Variants in FRK observed in about 807,000 individuals in gnomAD.
FRK encodes the protein tyrosine-protein kinase FRK.
FRK carries 51 observed loss-of-function variants against 56.4 expected under a neutral mutation model. The ratio of observed to expected loss-of-function variants is 0.90; its 90% CI spans 0.72 to 1.14. The LOEUF is 1.14. FRK is among the 50% of genes most tolerant of loss of function. The probability of loss-of-function intolerance (pLI) is 0.00; values close to 1 mark genes in which losing one functional copy is unlikely to be tolerated. For synonymous variants in FRK, 245 were observed against 217.9 expected (o/e 1.12, Z -1.10); for missense variants, 570 against 601.4 (o/e 0.95, Z 0.55).
At chr6:116,025,070 T>C (rs752412336) in intron 1 of FRK, among the ~76,000 whole-genome samples, 1 of 152,166 alleles carries the variant, frequency 6.6e-6, no homozygotes, top group African/African-American at 2.4e-5. Flanking sequence ...TCTTACCTTT[T>C]TAAAAAAGGT....
chr6:116,073,407 A>T, the FRK span, among the ~76,000 whole-genome samples: 1 of 152,178 alleles, frequency 6.6e-6, no homozygotes, highest in Non-Finnish European at 1.5e-5. Flanking sequence ...GTAATTAAAC[A>T]TCTCCCTAGT....
chr6:115,958,546 T>G (rs1773107177), intron 4 of FRK, among the ~76,000 whole-genome samples: 4 of 151,144 alleles, frequency 2.6e-5, no homozygotes, highest in African/African-American at 9.7e-5. Flanking sequence ...AAGAATCACT[T>G]GAACCCAGGA....
intron 1 of FRK, among the ~76,000 whole-genome samples, chr6:116,013,810 T>G (rs979882731): frequency 6.6e-6 from 1 of 152,114 alleles, no homozygotes; most frequent in Non-Finnish European, 1.5e-5. Context: ...CAGCTAGTAG[T>G]CATTGTGTGT....
intron 1 of FRK, among the ~76,000 whole-genome samples, chr6:116,020,103 G>A (rs184618731): frequency 1.5e-3 from 227 of 152,104 alleles, no homozygotes; most frequent in Admixed American, 2.8e-3. Context: ...CATTTCAAAA[G>A]TAAAACCAAA....
chr6:115,966,179 T>G (rs1211124219), intron 4 of FRK, among the ~76,000 whole-genome samples: 1 of 152,124 alleles, frequency 6.6e-6, no homozygotes, highest in East Asian at 1.9e-4. Context: ...ACTTAATTCT[T>G]AACTACAAGT....
At chr6:116,067,732 C>T in the FRK span, among the ~76,000 whole-genome samples, 1 of 152,112 alleles carries the variant, frequency 6.6e-6, no homozygotes, top group African/African-American at 2.4e-5. Flanking sequence ...TTGTTGTTGT[C>T]ATTGTTTTCT....
At chr6:116,039,288 G>A (rs1723596841) in intron 1 of FRK, 5 of 1,456,568 alleles carry the variant, frequency 3.4e-6, no homozygotes, top group Non-Finnish European at 3.8e-6. Flanking sequence ...CAACACCCCA[G>A]AAGGCCCAGG....
the FRK span, among the ~76,000 whole-genome samples, chr6:116,077,255 G>T: frequency 4.6e-5 from 7 of 152,206 alleles, no homozygotes; most frequent in Non-Finnish European, 8.8e-5. Flanking sequence ...GCAGGAATTA[G>T]TTCCCAATGC....
At chr6:116,079,310 G>T in the FRK span, among the ~76,000 whole-genome samples, 1 of 151,614 alleles carries the variant, frequency 6.6e-6, no homozygotes, top group Non-Finnish European at 1.5e-5. Context: ...CATTTTTCTG[G>T]TTTCCAGTGA....
intron 2 of FRK, among the ~76,000 whole-genome samples, chr6:115,973,202 C>G (rs954859580): frequency 3.3e-5 from 5 of 152,054 alleles, no homozygotes; most frequent in African/African-American, 1.2e-4. Flanking sequence ...TGTTAATTGC[C>G]CTATATAATA....
At chr6:116,080,159 A>G in the FRK span, among the ~76,000 whole-genome samples, 1 of 151,932 alleles carries the variant, frequency 6.6e-6, no homozygotes, top group Non-Finnish European at 1.5e-5. Flanking sequence ...GGTAGAGAAA[A>G]AGCCTTTTTG....
the FRK span, among the ~76,000 whole-genome samples, chr6:116,084,016 A>G: frequency 1.3e-5 from 2 of 152,156 alleles, no homozygotes; most frequent in African/African-American, 4.8e-5. Flanking sequence ...AGTTCGGTCA[A>G]TATCTGAGAG....
chr6:116,011,870 G>A (rs1214270690), intron 1 of FRK, among the ~76,000 whole-genome samples: 5 of 152,052 alleles, frequency 3.3e-5, no homozygotes, highest in African/African-American at 1.2e-4. Flanking sequence ...TTCCTGTCAA[G>A]GTAATTATTT....
At chr6:116,067,658 C>A in the FRK span, among the ~76,000 whole-genome samples, 3 of 152,160 alleles carry the variant, frequency 2.0e-5, no homozygotes, top group Non-Finnish European at 4.4e-5. Context: ...ACTGCTATTT[C>A]AGTGGAAAAT....
chr6:115,942,588 T>A lies in FRK; in HGVS notation c.1344A>T (p.Gln448His), dbSNP rs767472515. ...TGAQVIQMLA[Q>H]NYRLPQPSNC... ...TGGATGGTTGCGGAAGTCTATAGTT[T>A]TGAGCCAACATCTGGATTACCTGGG... Residue 448 changes from glutamine to histidine, a missense_variant, in exon 8 of 8, where the codon CAA (glutamine) becomes CAT (histidine). By Grantham distance (24) the Gln-to-His change is conservative. Coordinates refer to ENST00000606080, the MANE Select transcript of FRK (RefSeq NM_002031.3). The A allele has an allele frequency of 1.2e-6, 2 of 1,613,780 alleles. No homozygotes were observed. The highest frequency in any genetic ancestry group is 1.7e-6 in the Non-Finnish European group (2 of 1,179,764).
At chr6:116,039,959 A>AC (rs1776651737) in intron 1 of FRK, among the ~76,000 whole-genome samples, 2 of 151,674 alleles carry the variant, frequency 1.3e-5, no homozygotes. Context: ...AAAAAAAAAA[A>AC]AGGAAAAAGA....
intron 1 of FRK, among the ~76,000 whole-genome samples, chr6:116,055,530 G>A (rs1332934293): frequency 6.6e-6 from 1 of 152,212 alleles, no homozygotes; most frequent in Non-Finnish European, 1.5e-5. Flanking sequence ...CACCATCGTA[G>A]GTCAGTATGG....
chr6:115,956,757 G>C (rs1193797500), intron 4 of FRK, 147 bp from the exon 5 acceptor site: 2 of 596,014 alleles, frequency 3.4e-6, no homozygotes, highest in African/African-American at 3.7e-5. Context: ...ATCAAAAAGA[G>C]AATCAGTTCA....
At chr6:116,040,734 A>C (rs1776678416) in intron 1 of FRK, among the ~76,000 whole-genome samples, 1 of 152,184 alleles carries the variant, frequency 6.6e-6, no homozygotes, top group Non-Finnish European at 1.5e-5. Context: ...AAAAAGATTT[A>C]CTCTGACAAT....
Sources: gnomAD v4.1 joint callset for allele counts (sites outside exome capture counted in the v4.1 genomes callset) on GRCh38, gnomAD v4.1.1 for gene constraint, MANE v1.5 for transcripts, NCBI Gene and HGNC (gene_info 2026-07-23, HGNC 2026-07-21) for gene names.